Variants in SIPA1L3 observed in about 807,000 individuals in gnomAD.
SIPA1L3 encodes signal-induced proliferation-associated 1-like protein 3.
Under a neutral mutation model 150.1 loss-of-function variants are expected in SIPA1L3, and 59 were observed. The observed-to-expected ratio is 0.39, with a 90% CI of 0.32 to 0.49. SIPA1L3 has a LOEUF of 0.49. SIPA1L3 is among the 20% of genes least tolerant of loss of function. The pLI is 0.86. For missense variants in SIPA1L3, 2,211 were observed against 2,489.5 expected (o/e 0.89, Z 2.38); for synonymous variants, 1,070 against 1,077.6 (o/e 0.99, Z 0.14).
At chr19:38,158,237 A>G (rs1209155366) in intron 13 of SIPA1L3, among the ~76,000 whole-genome samples, 3 of 149,220 alleles carry the variant, frequency 2.0e-5, no homozygotes, top group Non-Finnish European at 4.4e-5. Context: ...GTCTCAAAAG[A>G]AAAAAAAAGT....
At chr19:38,094,439 C>T (rs539574921) in intron 4 of SIPA1L3, among the ~76,000 whole-genome samples, 99 of 152,208 alleles carry the variant, frequency 6.5e-4, no homozygotes, top group African/African-American at 2.3e-3. Flanking sequence ...TTTTTAGAGA[C>T]AGAATCTCAC....
intron 1 of SIPA1L3, among the ~76,000 whole-genome samples, chr19:37,913,447 C>A (rs1355954648): frequency 6.6e-6 from 1 of 152,076 alleles, no homozygotes; most frequent in Non-Finnish European, 1.5e-5. Flanking sequence ...TCGCTGTCAC[C>A]CAGGCTGGCA....
chr19:38,169,256 G>C (rs1285926139), intron 15 of SIPA1L3, among the ~76,000 whole-genome samples: 2 of 152,122 alleles, frequency 1.3e-5, no homozygotes, highest in Admixed American at 6.5e-5. Context: ...AGGCGTGGTG[G>C]TGCACGCCTG....
chr19:38,175,935 C>A (rs559292873), intron 15 of SIPA1L3, among the ~76,000 whole-genome samples: 84 of 152,130 alleles, frequency 5.5e-4, no homozygotes, highest in South Asian at 3.5e-3. Flanking sequence ...AGGCTGGGCG[C>A]TGTGGCTCAC....
intron 7 of SIPA1L3, 29 bp from the exon 8 acceptor site, chr19:38,110,198 T>G (rs765770232): frequency 1.2e-6 from 2 of 1,610,976 alleles, no homozygotes; most frequent in Non-Finnish European, 1.7e-6. Context: ...TGTGACAGGT[T>G]CCTGTCCCCC....
rs932048805 is a variant in SIPA1L3, at chr19:38,130,672, G to A, written c.3043G>A (p.Val1015Met). Reference sequence around the variant, plus strand: ...ACTAGTGGAGATCTGCAAGGTGGCCGTGGTCACACTGACCCACGACCAGAT... The same window carrying A: ...ACTAGTGGAGATCTGCAAGGTGGCCATGGTCACACTGACCCACGACCAGAT... ...SRLVEICKVA[V>M]VTLTHDQMID... Residue 1015 changes from valine to methionine, a missense_variant, in exon 10 of 22, where the codon GTG becomes ATG. Around this residue, in one of 5 missense-constraint regions of SIPA1L3, gnomAD observed 625 missense variants for 804.2 expected, o/e 0.78. Coordinates refer to ENST00000222345, the MANE Select transcript of SIPA1L3 (RefSeq NM_015073.3). 12 of 1,613,868 alleles carry A rather than the reference G, an allele frequency of 7.4e-6. No homozygotes were observed. The highest frequency in any genetic ancestry group is 1.0e-5 in the Non-Finnish European group (12 of 1,180,046).
intron 2 of SIPA1L3, among the ~76,000 whole-genome samples, chr19:38,065,374 GACTCTC>G (rs1295719237): frequency 6.7e-6 from 1 of 149,968 alleles, no homozygotes; most frequent in Admixed American, 6.7e-5. Context: ...TGCAAGGGGT[GACTCTC>G]ACTCTGCTCA....
intron 1 of SIPA1L3, among the ~76,000 whole-genome samples, chr19:37,926,817 A>G (rs1472521164): frequency 6.6e-6 from 1 of 152,204 alleles, no homozygotes; most frequent in African/African-American, 2.4e-5. Context: ...ATCAGCAGCA[A>G]CAACTGCAGC....
intron 1 of SIPA1L3, among the ~76,000 whole-genome samples, chr19:37,941,146 G>GA (rs2046653461): frequency 6.6e-6 from 1 of 150,916 alleles, no homozygotes; most frequent in Admixed American, 6.6e-5. Flanking sequence ...GGCAGGCAGG[G>GA]CTAGCCGTCC....
chr19:37,913,754 C>T (rs1024041975), intron 1 of SIPA1L3, among the ~76,000 whole-genome samples: 3 of 150,066 alleles, frequency 2.0e-5, no homozygotes, highest in Non-Finnish European at 4.4e-5. Context: ...CAGCGGCTCA[C>T]GCCTGTGATC....
chr19:38,067,375 G>A (rs1167706133), intron 2 of SIPA1L3, among the ~76,000 whole-genome samples: 1 of 152,194 alleles, frequency 6.6e-6, no homozygotes, highest in East Asian at 1.9e-4. Flanking sequence ...TGTAACAGCT[G>A]GACGTGGCCT....
intron 1 of SIPA1L3, among the ~76,000 whole-genome samples, chr19:37,920,995 G>T (rs914935150): frequency 5.9e-5 from 9 of 152,124 alleles, no homozygotes; most frequent in African/African-American, 2.2e-4. Context: ...CAGGACAGAC[G>T]TACACAGATC....
rs558108309 is a variant in SIPA1L3 at position 38,119,333 on chromosome 19, T to C, written c.2319T>C (p.Ala773=). The part of the protein sequence containing the change: ...YSMAVTRSKD[A]PPFGPPIPSG... ...TGGCTGTGACCCGATCCAAAGACGC[T>C]CCTCCTTTCGGCCCCCCCATCCCCA... is the stretch of plus-strand genomic sequence containing the variant. Residue 773 remains alanine, a synonymous_variant, in exon 9 of 22, where the codon GCT becomes GCC. Coordinates refer to ENST00000222345, the MANE Select transcript of SIPA1L3 (RefSeq NM_015073.3). The C allele has an allele frequency of 1.1e-5, 18 of 1,614,072 alleles. No homozygotes were observed. The highest frequency in any genetic ancestry group is 1.1e-4 in the East Asian group (5 of 44,876).
intron 15 of SIPA1L3, among the ~76,000 whole-genome samples, chr19:38,181,475 A>G (rs1972552503): frequency 6.6e-6 from 1 of 152,036 alleles, no homozygotes; most frequent in African/African-American, 2.4e-5. Context: ...CTTTAAATAA[A>G]CAAAAAACCA....
At chr19:38,193,838 A>G in intron 18 of SIPA1L3, 58 bp downstream of exon 18, 1 of 1,470,286 alleles carries the variant, frequency 6.8e-7, no homozygotes, top group Non-Finnish European at 8.9e-7. Flanking sequence ...GGAGGTGGGG[A>G]TGCCCGAGCA....
At chr19:38,182,781 C>T (rs62121459) in intron 16 of SIPA1L3, 41 bp downstream of exon 16, 7 of 1,499,242 alleles carry the variant, frequency 4.7e-6, no homozygotes, top group Admixed American at 3.7e-5. Flanking sequence ...GCCAGATCCA[C>T]ACCAGGGCGT....
intron 1 of SIPA1L3, among the ~76,000 whole-genome samples, chr19:37,943,584 A>C (rs2046681876): frequency 6.6e-6 from 1 of 152,174 alleles, no homozygotes; most frequent in Non-Finnish European, 1.5e-5. Context: ...ACTTTACACG[A>C]GGCCCAGATA....
At position 37,991,899 on chromosome 19, in the gene SIPA1L3, C is replaced by G. The variant is rs556888849; in HGVS notation, c.-378-37190C>G. On this transcript the variant is annotated intron_variant, in intron 1 of 21. Transcript: ENST00000222345. ...TGCAGGCAGCTGGGTTCGGGCCCCA[C>G]CCTGCACTAGCTGCATGACCTGGGG... is the stretch of plus-strand genomic sequence containing the variant. Among the ~76,000 whole-genome samples the G allele has an allele frequency of 2.0e-5, 3 of 152,322 alleles. No homozygotes were observed. In the East Asian group the frequency reaches 5.8e-4, roughly 29 times the overall value.
intron 4 of SIPA1L3, among the ~76,000 whole-genome samples, chr19:38,092,383 A>C (rs1600056156): frequency 6.6e-6 from 1 of 151,704 alleles, no homozygotes. Context: ...AAAAAAAAAA[A>C]CCCAGACTAT....
Sources: allele counts gnomAD v4.1 joint callset (sites outside exome capture counted in the v4.1 genomes callset), GRCh38; gene constraint gnomAD v4.1.1; regional missense constraint gnomAD v4.1.1; transcripts MANE v1.5; gene names NCBI Gene and HGNC (gene_info 2026-07-23, HGNC 2026-07-21).